SGMS1: variants seen among roughly 807,000 people sequenced by gnomAD.
SGMS1 encodes sphingomyelin synthase 1, also known as phosphatidylcholine:ceramide cholinephosphotransferase 1.
Under a neutral mutation model 46.2 loss-of-function variants are expected in SGMS1, and 13 were observed. That is an observed-to-expected ratio of 0.28 (90% CI 0.18 to 0.45). The LOEUF (loss-of-function observed/expected upper bound fraction) is 0.45. Ranked by LOEUF, SGMS1 falls within the 20% of genes least tolerant of loss-of-function variation. The pLI is 1.00. For synonymous variants in SGMS1, 203 were observed against 187.8 expected, an observed-to-expected ratio of 1.08 and a Z score of -0.66; for missense variants, 324 against 519.9, an observed-to-expected ratio of 0.62 and a Z score of 3.66.
chr10:50,368,724 C>A (rs1033149113), intron 6 of SGMS1, among the ~76,000 whole-genome samples: 1 of 152,152 alleles, frequency 6.6e-6, no homozygotes, highest in Non-Finnish European at 1.5e-5. Context: ...AAAACTAGAG[C>A]CTTGCAATTA....
intron 2 of SGMS1, among the ~76,000 whole-genome samples, chr10:50,584,837 C>T (rs985034560): frequency 2.6e-5 from 4 of 152,214 alleles, no homozygotes; most frequent in Admixed American, 1.3e-4. Context: ...CAAATTCCCA[C>T]TTCCTGAAAG....
intron 2 of SGMS1, among the ~76,000 whole-genome samples, chr10:50,551,474 G>A (rs1036200419): frequency 5.3e-5 from 8 of 150,440 alleles, no homozygotes; most frequent in African/African-American, 1.7e-4. Context: ...GATCATGGAA[G>A]AGAAAAGGGA....
At chr10:50,356,560 T>C (rs1479359467) in intron 6 of SGMS1, among the ~76,000 whole-genome samples, 1 of 151,594 alleles carries the variant, frequency 6.6e-6, no homozygotes, top group Non-Finnish European at 1.5e-5. Context: ...GAATGATCAA[T>C]AAATACTAAA....
At chr10:50,603,373 G>A (rs192244657) in intron 1 of SGMS1, among the ~76,000 whole-genome samples, 75 of 152,270 alleles carry the variant, frequency 4.9e-4, no homozygotes, top group African/African-American at 1.6e-3. Flanking sequence ...TCTCTCTGCC[G>A]AGAGTCAAAC....
At chr10:50,525,930 T>C (rs1230914937) in intron 2 of SGMS1, among the ~76,000 whole-genome samples, 1 of 152,226 alleles carries the variant, frequency 6.6e-6, no homozygotes, top group African/African-American at 2.4e-5. Flanking sequence ...AACGTAGAAC[T>C]CTCAAATTGG....
intron 3 of SGMS1, among the ~76,000 whole-genome samples, chr10:50,469,127 G>A (rs969178271): frequency 3.9e-5 from 6 of 152,184 alleles, no homozygotes; most frequent in Non-Finnish European, 8.8e-5. Flanking sequence ...TCCAAATTAC[G>A]TGTCGGATAC....
intron 5 of SGMS1, among the ~76,000 whole-genome samples, chr10:50,435,476 A>G (rs924694018): frequency 6.6e-6 from 1 of 152,234 alleles, no homozygotes; most frequent in Non-Finnish European, 1.5e-5. Context: ...ACTTTTGACA[A>G]CAATATAAAA....
At chr10:50,489,623 C>T (rs1470360736) in intron 3 of SGMS1, among the ~76,000 whole-genome samples, 1 of 152,194 alleles carries the variant, frequency 6.6e-6, no homozygotes, top group Non-Finnish European at 1.5e-5. Flanking sequence ...GCTGTTTCAA[C>T]TCAATTACAT....
At chr10:50,403,674 A>G (rs891743056) in intron 6 of SGMS1, among the ~76,000 whole-genome samples, 5 of 151,288 alleles carry the variant, frequency 3.3e-5, no homozygotes, top group African/African-American at 1.2e-4. Context: ...GTTGTTCATA[A>G]GCTCACCTGC....
At chr10:50,520,845 C>G (rs1837851396) in intron 2 of SGMS1, among the ~76,000 whole-genome samples, 1 of 152,134 alleles carries the variant, frequency 6.6e-6, no homozygotes, top group South Asian at 2.1e-4. Flanking sequence ...TTTCTGCATA[C>G]TCTACTTTTC....
intron 3 of SGMS1, among the ~76,000 whole-genome samples, chr10:50,493,954 C>T (rs568946469): frequency 3.6e-4 from 55 of 152,288 alleles, no homozygotes; most frequent in Admixed American, 3.0e-3. Context: ...TGTGCCACCA[C>T]GCCCGGCTAA....
At chr10:50,393,009 GAACC>G (rs1848797292) in intron 6 of SGMS1, among the ~76,000 whole-genome samples, 1 of 147,784 alleles carries the variant, frequency 6.8e-6, no homozygotes, top group Non-Finnish European at 1.5e-5. Flanking sequence ...TTTTTTTAAT[GAACC>G]AAAAAATTTA....
chr10:50,416,528 T>A (rs1849172091), intron 6 of SGMS1, among the ~76,000 whole-genome samples: 1 of 152,212 alleles, frequency 6.6e-6, no homozygotes, highest in African/African-American at 2.4e-5. Context: ...CTTAGAGATA[T>A]AATAAAATAT....
chr10:50,477,260 C>T (rs926699582), intron 3 of SGMS1, among the ~76,000 whole-genome samples: 1 of 152,228 alleles, frequency 6.6e-6, no homozygotes, highest in Non-Finnish European at 1.5e-5. Context: ...TATTTTGCAG[C>T]TTTAAGATTT....
At chr10:50,586,186 A>G (rs1007763073) in intron 2 of SGMS1, among the ~76,000 whole-genome samples, 2 of 152,242 alleles carry the variant, frequency 1.3e-5, no homozygotes, top group African/African-American at 4.8e-5. Flanking sequence ...TTCTTATTAT[A>G]TAATGATGAC....
At chr10:50,488,165 C>T (rs1195372824) in intron 3 of SGMS1, among the ~76,000 whole-genome samples, 1 of 152,022 alleles carries the variant, frequency 6.6e-6, no homozygotes, top group African/African-American at 2.4e-5. Flanking sequence ...AAGCGCCCGC[C>T]ACCATGCCCA....
At chr10:50,469,127 G>T (rs969178271) in intron 3 of SGMS1, among the ~76,000 whole-genome samples, 1 of 152,184 alleles carries the variant, frequency 6.6e-6, no homozygotes, top group East Asian at 1.9e-4. Context: ...TCCAAATTAC[G>T]TGTCGGATAC....
intron 4 of SGMS1, among the ~76,000 whole-genome samples, chr10:50,465,848 CA>C (rs10670074): frequency 5.6e-5 from 8 of 142,060 alleles, no homozygotes; most frequent in East Asian, 4.0e-4. Flanking sequence ...TTTCCAGAGA[CA>C]AAAAAAAAAC....
chr10:50,586,490 T>C (rs1838485676), intron 2 of SGMS1, among the ~76,000 whole-genome samples: 1 of 152,268 alleles, frequency 6.6e-6, no homozygotes, highest in Non-Finnish European at 1.5e-5. Context: ...TTCAACTCTT[T>C]GCCCCTCACC....
Sources: allele counts gnomAD v4.1 joint callset (sites outside exome capture counted in the v4.1 genomes callset), GRCh38; gene constraint gnomAD v4.1.1; transcripts MANE v1.5; gene names NCBI Gene and HGNC (gene_info 2026-07-23, HGNC 2026-07-21).